The following LUZP1 variants were observed in gnomAD, a reference collection of about 807,000 sequenced individuals.
LUZP1 encodes leucine zipper protein 1.
Under a neutral mutation model 71.3 loss-of-function variants are expected in LUZP1, and 25 were observed. The ratio of observed to expected loss-of-function variants is 0.35; its 90% CI spans 0.26 to 0.49. The LOEUF (loss-of-function observed/expected upper bound fraction) is 0.49. Ranked by LOEUF, LUZP1 falls within the 20% of genes least tolerant of loss-of-function variation. The pLI, the probability that LUZP1 is intolerant of heterozygous loss-of-function variation, is 0.99. For missense variants in LUZP1, 1,142 were observed against 1,300.8 expected (o/e 0.88, Z 1.88); for synonymous variants, 481 against 506.4 (o/e 0.95, Z 0.67).
At chr1:23,117,477 C>CTCTCT (rs34248788) in intron 2 of LUZP1, among the ~76,000 whole-genome samples, 350 of 13,822 alleles carry the variant, frequency 0.025, 6 homozygotes, top group Admixed American at 0.097. Context: ...CTCTCTCTCT[C>CTCTCT]CCCCCCCCCC....
intron 2 of LUZP1, among the ~76,000 whole-genome samples, chr1:23,120,541 A>G (rs1446164119): frequency 1.3e-5 from 2 of 151,762 alleles, no homozygotes; most frequent in African/African-American, 4.8e-5. Context: ...ATTTTTTTGT[A>G]GAGACAGGGT....
chr1:23,176,384 AT>A lies in LUZP1; in HGVS notation c.-485+1106del, dbSNP rs1644582795. Among the ~76,000 whole-genome samples the A allele has an allele frequency of 1.3e-5, 2 of 152,160 alleles. 1 individual carries two copies. The highest frequency in any genetic ancestry group is 4.1e-4 in the South Asian group (2 of 4,824). On this transcript the variant is annotated intron_variant, in intron 1 of 4. Transcript: ENST00000302291. The stretch of plus-strand genomic sequence containing the variant: ...CCAGCCCCCTACTTCCTTGACTTTT[AT>A]TGACGAGAAAGGAGTAAGACCTGTC...
chr1:23,161,414 G>C (rs1051916262), intron 2 of LUZP1, among the ~76,000 whole-genome samples: 1 of 152,120 alleles, frequency 6.6e-6, no homozygotes, highest in Non-Finnish European at 1.5e-5. Context: ...AGAAGTGTTC[G>C]AGGAAGACAG....
intron 3 of LUZP1, among the ~76,000 whole-genome samples, chr1:23,096,088 C>T (rs1201273910): frequency 7.1e-6 from 1 of 140,414 alleles, no homozygotes; most frequent in African/African-American, 2.7e-5. Context: ...AGAGACCATA[C>T]AATAAGTACA....
chr1:23,089,225 T>A (rs11589464), intron 4 of LUZP1, among the ~76,000 whole-genome samples, 172 bp from the exon 4 acceptor site: 7,058 of 152,226 alleles, frequency 0.046, 270 homozygotes, highest in South Asian at 0.11. Flanking sequence ...GGCCAATATG[T>A]AAATTCCTTG....
At position 23,097,420 on chromosome 1, in the gene LUZP1, C is replaced by A. The variant is rs151044902; in HGVS notation, c.-119-3040G>T. 3.1e-3 allele frequency among the ~76,000 whole-genome samples: 472 copies of A among 152,242 alleles called. 4 individuals are homozygous for A. The highest frequency in any genetic ancestry group is 0.011 in the African/African-American group (448 of 41,526). On this transcript the variant is annotated intron_variant, in intron 3 of 4. Coordinates refer to ENST00000302291, the Ensembl canonical transcript of LUZP1. ...AATCCAGGCAAAACATAGTTATGGC[C>A]TAGACCAGGATGGTGGCAGTACATG...
intron 2 of LUZP1, among the ~76,000 whole-genome samples, chr1:23,161,856 G>A (rs745785677): frequency 6.6e-6 from 1 of 151,660 alleles, no homozygotes; most frequent in South Asian, 2.1e-4. Context: ...GTGAAACTCC[G>A]TCTCTACTAA....
chr1:23,163,548 C>A (rs1341000500), intron 2 of LUZP1, among the ~76,000 whole-genome samples: 2 of 135,926 alleles, frequency 1.5e-5, no homozygotes, highest in Non-Finnish European at 3.1e-5. Context: ...AGTGAGATCC[C>A]GTCTCTTAAA....
intron 2 of LUZP1, among the ~76,000 whole-genome samples, chr1:23,122,274 A>G (rs904317281): frequency 2.0e-5 from 3 of 152,200 alleles, no homozygotes; most frequent in Non-Finnish European, 2.9e-5. Flanking sequence ...GCCAAAAGAA[A>G]TGACTAGAGA....
At chr1:23,144,612 G>C (rs1357175324) in intron 2 of LUZP1, among the ~76,000 whole-genome samples, 2 of 152,052 alleles carry the variant, frequency 1.3e-5, no homozygotes, top group Non-Finnish European at 1.5e-5. Flanking sequence ...TGGTTTCTCA[G>C]CTTCCCAGAT....
At chr1:23,163,528 C>T (rs975393174) in intron 2 of LUZP1, among the ~76,000 whole-genome samples, 1 of 137,614 alleles carries the variant, frequency 7.3e-6, no homozygotes, top group Non-Finnish European at 1.5e-5. Flanking sequence ...TACTCCAGAT[C>T]GAGAGAAAGA....
Position 23,155,590 on chromosome 1 carries a change from T to C in LUZP1, c.-226+13176A>G, listed in dbSNP as rs554559232. 2.0e-5 allele frequency among the ~76,000 whole-genome samples: 3 copies of C among 152,362 alleles called. No individual in the cohort carries two copies. The South Asian group carries it at 6.2e-4, about 32-fold the overall frequency. ...GTACTTAAGTACTGTAGCTGTCATATAGAAGTCAGCAACTGGTTTCATCAT... is the reference window on the plus strand; with the variant it reads ...GTACTTAAGTACTGTAGCTGTCATACAGAAGTCAGCAACTGGTTTCATCAT... On this transcript the variant is annotated intron_variant, in intron 2 of 4. Coordinates refer to ENST00000302291, the Ensembl canonical transcript of LUZP1.
At chr1:23,162,391 T>C (rs1192456610) in intron 2 of LUZP1, among the ~76,000 whole-genome samples, 1 of 152,164 alleles carries the variant, frequency 6.6e-6, no homozygotes, top group African/African-American at 2.4e-5. Flanking sequence ...TTTTTCTGTA[T>C]ATGTATTATA....
intron 2 of LUZP1, among the ~76,000 whole-genome samples, chr1:23,110,014 G>A (rs1250796309): frequency 6.6e-6 from 1 of 152,144 alleles, no homozygotes; most frequent in African/African-American, 2.4e-5. Flanking sequence ...TTTTATATAA[G>A]ACAATAAGAA....
intron 4 of LUZP1, among the ~76,000 whole-genome samples, chr1:23,089,582 C>G (rs1643821857): frequency 7.1e-6 from 1 of 141,414 alleles, no homozygotes; most frequent in African/African-American, 2.6e-5. Context: ...TGTCTTTCTC[C>G]CTACGCCTAG....
rs1014787207 is a variant in LUZP1, at chr1:23,099,167, C to G, written c.-119-4787G>C. ...ATAGTTTATGTTTTTAAAAAGAAAG[C>G]TTTTCCCTTTTAAAAACTCTTGCAT... On this transcript the variant is annotated intron_variant, in intron 3 of 4. Coordinates refer to ENST00000302291, the Ensembl canonical transcript of LUZP1. Among the ~76,000 whole-genome samples the G allele has an allele frequency of 2.6e-5, 4 of 152,188 alleles. No individual in the cohort carries two copies. In the South Asian group the frequency reaches 8.3e-4, roughly 32 times the overall value.
intron 2 of LUZP1, among the ~76,000 whole-genome samples, 195 bp from the exon 2 acceptor site, chr1:23,109,322 A>G (rs1644009677): frequency 6.6e-6 from 1 of 152,244 alleles, no homozygotes; most frequent in African/African-American, 2.4e-5. Context: ...AGGAAAGTCA[A>G]GAAAGAATTT....
At chr1:23,164,953 T>C (rs1644498458) in intron 2 of LUZP1, among the ~76,000 whole-genome samples, 1 of 152,248 alleles carries the variant, frequency 6.6e-6, no homozygotes, top group Non-Finnish European at 1.5e-5. Context: ...TTCAACTCCT[T>C]AAATCTTTTG....
intron 3 of LUZP1, among the ~76,000 whole-genome samples, chr1:23,104,955 A>G (rs1643969083): frequency 1.3e-5 from 2 of 152,222 alleles, no homozygotes; most frequent in South Asian, 4.1e-4. Context: ...TCTTAAATGT[A>G]GCCAATGAAT....
Sources: allele counts gnomAD v4.1 joint callset (sites outside exome capture counted in the v4.1 genomes callset), GRCh38; gene constraint gnomAD v4.1.1; transcripts MANE v1.5; gene names NCBI Gene and HGNC (gene_info 2026-07-23, HGNC 2026-07-21).